TMPRSS11B: variants seen among roughly 807,000 people sequenced by gnomAD.
TMPRSS11B encodes transmembrane serine protease 11B, also known as transmembrane protease serine 11B.
A neutral mutation model predicts 44.7 loss-of-function variants in TMPRSS11B; 53 were observed. That is an observed-to-expected ratio of 1.19 (90% CI 0.95 to 1.49). The LOEUF is 1.49. TMPRSS11B is among the 40% of genes most tolerant of loss of function. TMPRSS11B has a pLI of 0.00. For synonymous variants in TMPRSS11B, 140 were observed against 159.2 expected (o/e 0.88, Z 0.91); for missense variants, 526 against 494.8 (o/e 1.06, Z -0.60).
At chr4:68,232,297 T>G in intron 6 of TMPRSS11B, 81 bp downstream of exon 6, 1 of 1,344,906 alleles carries the variant, frequency 7.4e-7, no homozygotes, top group Non-Finnish European at 1.0e-6. Flanking sequence ...ACATGACATA[T>G]TTCAAGTATT....
At position 68,228,957 on chromosome 4, in the gene TMPRSS11B, T is replaced by C. The variant is rs539112439; in HGVS notation, c.947-73A>G. 168 of 1,486,806 alleles carry C rather than the reference T, an allele frequency of 1.1e-4. 2 individuals carry two copies. The South Asian group carries it at 2.1e-3, about 18-fold the overall frequency. 92.1% of individuals were successfully genotyped at this position (1,486,806 alleles called of 1,614,324 possible). ...GGACAAAGAATATCTACCTATAGCA[T>C]AAAGCAGACTCTCTTGGTCACCAAG... On this transcript the variant is annotated intron_variant, in intron 8 of 9. Transcript: ENST00000332644.
In TMPRSS11B at chr4:68,229,498, A is replaced by G; in HGVS notation, c.705T>C (p.Asp235=). ...CTACAATTCCAAAGTTGACAGTCCA[A>G]TCTTTTGAATTATTTTTCCTAGAGG... ...HCFAKKNNSK[D]WTVNFGIVVN... The change falls in exon 8 of 10, where the codon GAT becomes GAC. Residue 235 remains aspartate, a synonymous_variant. Coordinates refer to ENST00000332644, the MANE Select transcript of TMPRSS11B (RefSeq NM_182502.3). The G allele has an allele frequency of 1.2e-6, 2 of 1,612,322 alleles. No homozygotes were observed.
Position 68,233,423 on chromosome 4 carries a change from T to C in TMPRSS11B, c.470-1007A>G, listed in dbSNP as rs181396601. On this transcript the variant is annotated intron_variant, in intron 5 of 9. Transcript: ENST00000332644. The stretch of plus-strand genomic sequence containing the variant: ...TATCACCTAGCTGGACTTTTAACAA[T>C]CCAAGTGACAGTTTCAAGACCTTTG... Among the ~76,000 whole-genome samples, 319 of 152,266 alleles carry C rather than the reference T, an allele frequency of 2.1e-3. 1 individual carries two copies. Among genetic ancestry groups the C allele is most frequent in the Non-Finnish European group, 3.7e-3 (249 of 68,010 alleles).
In TMPRSS11B at chr4:68,236,018, C is replaced by A. The variant is rs1374695298; in HGVS notation, c.292G>T (p.Glu98Ter). 6.3e-7 allele frequency: 1 copy of A among 1,578,172 alleles called. No homozygotes were observed. The highest frequency in any genetic ancestry group is 1.2e-5 in the South Asian group (1 of 81,948). The stretch of plus-strand genomic sequence containing the variant: ...TGTACTTACAGAAGTTTGATGACCT[C>A]AGATTTGACATATTCCTTATATATA... ...SSIYKEYVKS[E>*]VIKLLPNANG... is the part of the protein sequence containing the mutation. Residue 98 changes from glutamate to a stop codon, truncating the protein, a stop_gained, in exon 4 of 10, where the codon GAG (glutamate) becomes TAG (stop). Transcript: ENST00000332644. LOFTEE classifies it high-confidence loss of function.
chr4:68,227,558 C>A lies in TMPRSS11B; in HGVS notation c.*353G>T, dbSNP rs996475014. ...CTGAATAGCTGGGACTATAGGTGCA[C>A]GCCACCATGCCTAGCTAATTTTTGT... On this transcript the variant is annotated 3_prime_UTR_variant, in exon 10 of 10. Coordinates refer to ENST00000332644, the MANE Select transcript of TMPRSS11B (RefSeq NM_182502.3). 1 of 152,524 alleles carries A rather than the reference C, an allele frequency of 6.6e-6. No homozygotes were observed. The highest frequency in any genetic ancestry group is 1.5e-5 in the Non-Finnish European group (1 of 68,816). 9.4% of individuals were successfully genotyped at this position (152,524 alleles called of 1,614,324 possible).
At chr4:68,244,708 G>T (rs2109967657) in intron 1 of TMPRSS11B, among the ~76,000 whole-genome samples, 1 of 152,250 alleles carries the variant, frequency 6.6e-6, no homozygotes, top group South Asian at 2.1e-4. Flanking sequence ...TTACCTTTAT[G>T]GTCCATGCCA....
intron 1 of TMPRSS11B, 128 bp from the exon 2 acceptor site, chr4:68,241,932 AACC>A: frequency 1.6e-6 from 1 of 615,826 alleles, no homozygotes; most frequent in South Asian, 2.1e-5. Context: ...AAAACATAGA[AACC>A]TCAAATGCCT....
chr4:68,232,247 G>A (rs759765970), intron 6 of TMPRSS11B, 131 bp downstream of exon 6: 7 of 693,278 alleles, frequency 1.0e-5, no homozygotes, highest in Non-Finnish European at 1.7e-5. Context: ...GTCAATATCT[G>A]GTATATCTAG....
At chr4:68,245,526 C>T in intron 1 of TMPRSS11B, 25 bp downstream of exon 1, 2 of 1,613,110 alleles carry the variant, frequency 1.2e-6, no homozygotes, top group Non-Finnish European at 1.7e-6. Context: ...TGCCAACTTG[C>T]TCTCCCCAGT....
At chr4:68,230,803 C>CAA (rs34025669) in intron 7 of TMPRSS11B, among the ~76,000 whole-genome samples, 58 of 128,768 alleles carry the variant, frequency 4.5e-4, no homozygotes, top group Admixed American at 7.9e-4. Flanking sequence ...GACTCCATCT[C>CAA]AAAAAAAAAA....
At position 68,245,567 on chromosome 4, in the gene TMPRSS11B, G is replaced by T; in HGVS notation, c.-9C>A. On this transcript the variant is annotated 5_prime_UTR_variant, in exon 1 of 10. Transcript: ENST00000332644. ...CCCCTTTACCTGTACATAATGTTCT[G>T]ATTGTTATGGCAGTATCAGGTATAA... 4 of 1,613,350 alleles carry T rather than the reference G, an allele frequency of 2.5e-6. No homozygotes were observed. The highest frequency in any genetic ancestry group is 1.7e-6 in the Non-Finnish European group (2 of 1,179,478).
chr4:68,235,105 C>T (rs953010523), intron 4 of TMPRSS11B, among the ~76,000 whole-genome samples: 1 of 152,044 alleles, frequency 6.6e-6, no homozygotes, highest in Non-Finnish European at 1.5e-5. Context: ...TCTGCCCCAA[C>T]AGATCTATAC....
rs779971415 is a variant in TMPRSS11B, at chr4:68,236,197, G to A, written c.194C>T (p.Ala65Val). 2.2e-5 allele frequency: 36 copies of A among 1,612,608 alleles called. No individual in the cohort carries two copies. Among genetic ancestry groups the A allele is most frequent in the Non-Finnish European group, 2.9e-5 (34 of 1,179,366 alleles). The change falls in exon 3 of 10, where the codon GCA (alanine) becomes GTA (valine). Residue 65 changes from alanine to valine, a missense_variant. Transcript: ENST00000332644. ...GVTYNDNCEN[A>V]ASQASTNLSK... ...TAGATTTGTGCTGGCTTGTGAAGCT[G>A]CGTTTTCACAATTATCATTGTATGT...
chr4:68,232,288 C>T (rs6552175), intron 6 of TMPRSS11B, 90 bp downstream of exon 6: 296,086 of 1,271,904 alleles, frequency 0.23, 38,780 homozygotes, highest in African/African-American at 0.43. Flanking sequence ...GGGATTTCCA[C>T]ATGACATATT....
chr4:68,235,092 C>A lies in TMPRSS11B; in HGVS notation c.309-469G>T, dbSNP rs182175135. 8.1e-4 allele frequency among the ~76,000 whole-genome samples: 123 copies of A among 152,154 alleles called. 1 individual carries two copies. Among genetic ancestry groups the A allele is most frequent in the African/African-American group, 2.9e-3 (119 of 41,518 alleles). ...TTCCTACGGTTTTTTTATACATAAC[C>A]AGTCTGCCCCAACAGATCTATACAA... On this transcript the variant is annotated intron_variant, in intron 4 of 9. Transcript: ENST00000332644.
intron 2 of TMPRSS11B, among the ~76,000 whole-genome samples, chr4:68,238,859 T>A (rs1046657060): frequency 6.6e-6 from 1 of 152,232 alleles, no homozygotes; most frequent in Admixed American, 6.5e-5. Flanking sequence ...ATGACTAAAG[T>A]AAATAATTAG....
chr4:68,236,034 CT>C lies in TMPRSS11B; in HGVS notation c.275del (p.Lys92ArgfsTer24). On this transcript the variant is annotated frameshift_variant, in exon 4 of 10. Transcript: ENST00000332644. LOFTEE classifies it high-confidence loss of function. ...LNAFQNSSIYKEYVKSEVIKL... is the reference protein window; with the variant it reads ...LNAFQNSSIYXEYVKSEVIKL... ...TGATGACCTCAGATTTGACATATTC[CT>C]TATATATACTGGAATTTTGAAATGC... is the stretch of plus-strand genomic sequence containing the variant. 6.3e-7 allele frequency: 1 copy of C among 1,589,578 alleles called. No individual in the cohort carries two copies. The highest frequency in any genetic ancestry group is 8.5e-7 in the Non-Finnish European group (1 of 1,169,890).
intron 1 of TMPRSS11B, among the ~76,000 whole-genome samples, chr4:68,242,533 C>CATT (rs1719889863): frequency 6.9e-6 from 1 of 145,744 alleles, no homozygotes; most frequent in South Asian, 2.1e-4. Context: ...CTTTTAACTG[C>CATT]ATTTTCTAAT....
At position 68,231,297 on chromosome 4, in the gene TMPRSS11B, A is replaced by G. The variant is rs1161094236; in HGVS notation, c.592T>C (p.Trp198Arg). 21 of 1,613,912 alleles carry G rather than the reference A, an allele frequency of 1.3e-5. No homozygotes were observed. The highest frequency in any genetic ancestry group is 1.7e-5 in the Admixed American group (1 of 59,974). The change falls in exon 7 of 10, where the codon TGG (tryptophan) becomes CGG (arginine). Residue 198 changes from tryptophan to arginine, a missense_variant. Trp to Arg is a moderately radical substitution (Grantham distance 101, BLOSUM62 -3). Transcript: ENST00000332644. ...CCTTTCCATTGCATGCTGGCCTGCC[A>G]TGGCCATGCCCCCTCCAGGGAGCTT... ...GKSSLEGAWP[W>R]QASMQWKGRH...
Sources: allele counts gnomAD v4.1 joint callset (sites outside exome capture counted in the v4.1 genomes callset), GRCh38; gene constraint gnomAD v4.1.1; transcripts MANE v1.5; gene names NCBI Gene and HGNC (gene_info 2026-07-23, HGNC 2026-07-21).